The following NF1 variants were observed in gnomAD, a reference collection of about 807,000 sequenced individuals.
NF1 encodes the protein neurofibromin 1.
A neutral mutation model predicts 325.7 loss-of-function variants in NF1; 122 were observed. That is an observed-to-expected ratio of 0.37 (90% CI 0.32 to 0.44). NF1 has a LOEUF of 0.44. Ranked by LOEUF, NF1 falls within the 20% of genes least tolerant of loss-of-function variation. The pLI, the probability that NF1 is intolerant of heterozygous loss-of-function variation, is 1.00. For missense variants in NF1, 2,140 were observed against 3,415.4 expected (o/e 0.63, Z 9.31); for synonymous variants, 1,091 against 1,186.0 (o/e 0.92, Z 1.65).
chr17:31,362,813 A>G (rs1037965782), intron 57 of NF1, among the ~76,000 whole-genome samples: 13 of 152,116 alleles, frequency 8.5e-5, no homozygotes, highest in Admixed American at 7.9e-4. Context: ...TTTGCCCACT[A>G]ATGGAGACAA....
chr17:31,315,532 A>T (rs1257697728), intron 36 of NF1, among the ~76,000 whole-genome samples: 1 of 152,210 alleles, frequency 6.6e-6, no homozygotes, highest in Non-Finnish European at 1.5e-5. Flanking sequence ...ATATACACCT[A>T]CTATGTACCC....
chr17:31,217,521 T>C (rs2143975581), intron 13 of NF1, among the ~76,000 whole-genome samples: 1 of 151,726 alleles, frequency 6.6e-6, no homozygotes, highest in African/African-American at 2.4e-5. Flanking sequence ...GCCAGGCTAG[T>C]CTCGAACTCC....
intron 29 of NF1, among the ~76,000 whole-genome samples, chr17:31,243,875 C>G (rs2067346795): frequency 2.0e-5 from 3 of 151,808 alleles, no homozygotes; most frequent in Admixed American, 2.0e-4. Flanking sequence ...TTTCCTCAAG[C>G]AGAAGGGGTC....
rs1597735343 is a variant in NF1 at position 31,249,198 on chromosome 17, T to G, written c.4110+79T>G. The G allele has an allele frequency of 4.1e-6, 6 of 1,459,348 alleles. No individual in the cohort carries two copies. In the East Asian group the frequency reaches 1.4e-4, roughly 33 times the overall value. 90.4% of individuals were successfully genotyped at this position (1,459,348 alleles called of 1,614,324 possible). ...ATGCTTTATCAAAGAAGGATCTAGCTGCTGATGGTGTGTGGTTAACTATAA... is the reference window on the plus strand; with the variant it reads ...ATGCTTTATCAAAGAAGGATCTAGCGGCTGATGGTGTGTGGTTAACTATAA... On this transcript the variant is annotated intron_variant, in intron 30 of 57. Transcript: ENST00000358273.
chr17:31,181,938 C>T (rs1483861613), intron 7 of NF1, among the ~76,000 whole-genome samples, 153 bp downstream of exon 7: 1 of 150,636 alleles, frequency 6.6e-6, no homozygotes, highest in East Asian at 2.0e-4. Flanking sequence ...TACTGTTTTT[C>T]TCTTACATTT....
intron 2 of NF1, among the ~76,000 whole-genome samples, chr17:31,158,470 A>T (rs1412960490): frequency 2.0e-5 from 3 of 152,092 alleles, no homozygotes. Flanking sequence ...GAAATATTTT[A>T]ATATTTGGGA....
Position 31,356,501 on chromosome 17 carries a change from G to C in NF1, c.7657G>C (p.Ala2553Pro), listed in dbSNP as rs1555536644. The change falls in exon 52 of 58, where the codon GCT (alanine) becomes CCT (proline). Residue 2553 changes from alanine (A) to proline (P), a missense_variant. Ala to Pro is a conservative substitution (Grantham distance 27). Transcript: ENST00000358273. Reference protein sequence around the residue: ...SFDHLISDTKAPKRQEMESGI... With the variant: ...SFDHLISDTKPPKRQEMESGI... ...TGATCACTTGATATCAGACACAAAG[G>C]CTCCTAAAAGGCAAGAAATGGAATC... 1 of 1,613,702 alleles carries C rather than the reference G, an allele frequency of 6.2e-7. No individual in the cohort carries two copies. The highest frequency in any genetic ancestry group is 1.3e-5 in the African/African-American group (1 of 74,996).
At chr17:31,363,728 G>A (rs574312198) in intron 57 of NF1, among the ~76,000 whole-genome samples, 6 of 148,784 alleles carry the variant, frequency 4.0e-5, no homozygotes, top group African/African-American at 1.5e-4. Context: ...GAGCCACTGC[G>A]CCCAGCATTT....
chr17:31,293,459 G>C (rs572801542), intron 36 of NF1, among the ~76,000 whole-genome samples: 10 of 152,188 alleles, frequency 6.6e-5, no homozygotes, highest in Admixed American at 5.9e-4. Context: ...AGCCAATCAG[G>C]TTTGCTAAGG....
At chr17:31,348,456 A>T (rs890482040) in intron 48 of NF1, among the ~76,000 whole-genome samples, 1 of 148,010 alleles carries the variant, frequency 6.8e-6, no homozygotes, top group Non-Finnish European at 1.5e-5. Flanking sequence ...GAGTCACTCA[A>T]TAAGTCTCAA....
At chr17:31,166,213 A>G (rs1331589454) in intron 4 of NF1, among the ~76,000 whole-genome samples, 2 of 152,116 alleles carry the variant, frequency 1.3e-5, no homozygotes. Flanking sequence ...GGTTCTTTAC[A>G]GTTTACTATT....
intron 1 of NF1, among the ~76,000 whole-genome samples, chr17:31,098,148 T>A (rs1911938564): frequency 6.7e-6 from 1 of 148,426 alleles, no homozygotes; most frequent in Non-Finnish European, 1.5e-5. Context: ...ATTAATTTAT[T>A]ATATAAGTGA....
Position 31,181,407 on chromosome 17 carries a change from TTG to T in NF1, c.587-11_587-10del, listed in dbSNP as rs774520802. The T allele has an allele frequency of 1.9e-6, 3 of 1,611,196 alleles. No homozygotes were observed. Among genetic ancestry groups the T allele is most frequent in the Non-Finnish European group, 2.5e-6 (3 of 1,177,938 alleles). On this transcript the variant is annotated splice_polypyrimidine_tract_variant and intron_variant, in intron 5 of 57. Coordinates refer to ENST00000358273, the MANE Select transcript of NF1 (RefSeq NM_001042492.3). ...TTATTCTAGAGTTAATTTTTAAAAA[TTG>T]TGTTTTTTCCAGAAACAGCATTTAA...
intron 33 of NF1, among the ~76,000 whole-genome samples, chr17:31,259,381 T>G (rs1246417801): frequency 2.6e-5 from 4 of 152,178 alleles, no homozygotes; most frequent in Non-Finnish European, 5.9e-5. Context: ...TCTAATTAAA[T>G]AAAGGATTTG....
At chr17:31,298,502 T>C (rs768886118) in intron 36 of NF1, among the ~76,000 whole-genome samples, 1 of 152,134 alleles carries the variant, frequency 6.6e-6, no homozygotes, top group Non-Finnish European at 1.5e-5. Flanking sequence ...TAGAATTTGT[T>C]GTATTAAAAT....
chr17:31,270,330 C>A (rs199580248), intron 36 of NF1, among the ~76,000 whole-genome samples: 2 of 152,098 alleles, frequency 1.3e-5, no homozygotes, highest in Non-Finnish European at 2.9e-5. Context: ...CCAAAGTGGC[C>A]GGGCAAGGTG....
Position 31,235,738 on chromosome 17 carries a change from G to T in NF1, c.3836G>T (p.Ser1279Ile), listed in dbSNP as rs1170788683. The stretch of plus-strand genomic sequence containing the variant: ...ATGCAGACTCTCTTCCGAGGCAACA[G>T]CTTGGCCAGTAAAATAATGACATTC... ...DSMQTLFRGN[S>I]LASKIMTFCF... Residue 1279 changes from serine to isoleucine, a missense_variant, in exon 28 of 58, where the codon AGC (serine) becomes ATC (isoleucine). Around this residue, in one of 10 missense-constraint regions of NF1, gnomAD observed 336 missense variants for 399.0 expected, o/e 0.84. Coordinates refer to ENST00000358273, the MANE Select transcript of NF1 (RefSeq NM_001042492.3). 1 of 1,613,998 alleles carries T rather than the reference G, an allele frequency of 6.2e-7. No homozygotes were observed. Among genetic ancestry groups the T allele is most frequent in the Non-Finnish European group, 8.5e-7 (1 of 1,180,026 alleles).
chr17:31,198,217 G>A (rs2066468026), intron 8 of NF1, among the ~76,000 whole-genome samples: 1 of 152,074 alleles, frequency 6.6e-6, no homozygotes, highest in Non-Finnish European at 1.5e-5. Context: ...TATTCCTAGG[G>A]TGTATTAGTC....
intron 47 of NF1, among the ~76,000 whole-genome samples, chr17:31,341,746 C>A (rs2069831502): frequency 6.6e-6 from 1 of 151,546 alleles, no homozygotes; most frequent in South Asian, 2.1e-4. Context: ...TGAACATGGG[C>A]AAATTACTTC....
Sources: allele counts gnomAD v4.1 joint callset (sites outside exome capture counted in the v4.1 genomes callset), GRCh38; gene constraint gnomAD v4.1.1; regional missense constraint gnomAD v4.1.1; transcripts MANE v1.5; gene names NCBI Gene and HGNC (gene_info 2026-07-23, HGNC 2026-07-21).